The following ZXDB variants were observed in gnomAD, a reference collection of about 807,000 sequenced individuals.
ZXDB encodes the protein zinc finger X-linked duplicated B, also known as zinc finger X-linked protein ZXDB.
For synonymous variants in ZXDB, 273 were observed against 314.3 expected, an observed-to-expected ratio of 0.87 and a Z score of 1.39; for missense variants, 413 against 679.1, an observed-to-expected ratio of 0.61 and a Z score of 4.36.
In ZXDB at chrX:57,593,992, C is replaced by T; in HGVS notation, c.1944C>T (p.Leu648=). 3.6e-6 allele frequency: 4 copies of T among 1,118,758 alleles called. No homozygotes were observed. Among genetic ancestry groups the T allele is most frequent in the Middle Eastern group, 2.5e-4 (1 of 3,961 alleles). The allele number at this position is 1,118,758 out of a possible 1,213,427, so 92.2% of individuals were successfully genotyped here. The change falls in exon 1 of 1, where the codon CTC becomes CTT. Residue 648 remains leucine, a synonymous_variant. Coordinates refer to ENST00000374888, the MANE Select transcript of ZXDB (RefSeq NM_007157.4). ...TGAGCTCGACTCTGGCAGGGCACCT[C>T]CCTGCTAATAATAATAATTCCGTAG... ...ASVSSTLAGH[L]PANNNNSVGQ...
At position 57,593,378 on chromosome X, in the gene ZXDB, C is replaced by T; in HGVS notation, c.1330C>T (p.His444Tyr). 8.3e-7 allele frequency: 1 copy of T among 1,211,772 alleles called. No homozygotes were observed. The highest frequency in any genetic ancestry group is 1.1e-6 in the Non-Finnish European group (1 of 895,472). The change falls in exon 1 of 1, where the codon CAC (histidine) becomes TAC (tyrosine). Residue 444 changes from histidine (H) to tyrosine (Y), a missense_variant. His to Tyr is a moderately conservative substitution (Grantham distance 83, BLOSUM62 2). Coordinates refer to ENST00000374888, the MANE Select transcript of ZXDB (RefSeq NM_007157.4). Reference sequence around the variant, plus strand: ...TGACAAGGCTTGTAGGCTGAAAATTCACCTGCGGAGTCACACCGGCGAGAG... The same window carrying T: ...TGACAAGGCTTGTAGGCTGAAAATTTACCTGCGGAGTCACACCGGCGAGAG... ...QYDKACRLKIHLRSHTGERPF... is the reference protein window; with the variant it reads ...QYDKACRLKIYLRSHTGERPF...
rs750275833 is a variant in ZXDB, at chrX:57,592,536, C to T, written c.488C>T (p.Ala163Val). 4 of 1,186,003 alleles carry T rather than the reference C, an allele frequency of 3.4e-6. No individual in the cohort carries two copies. Among genetic ancestry groups the T allele is most frequent in the East Asian group, 6.2e-5 (2 of 32,208 alleles). Residue 163 changes from alanine to valine, a missense_variant, in exon 1 of 1, where the codon GCG becomes GTG. Ala to Val is a moderately conservative substitution (Grantham distance 64, BLOSUM62 0). Transcript: ENST00000374888. ...CCGATCTCCGCCCCCGGCCCCGCCG[C>T]GGCCTTCGCGGGCACAGTCACTATC... ...PAPISAPGPAAAFAGTVTIHN... is the reference protein window; with the variant it reads ...PAPISAPGPAVAFAGTVTIHN...
Position 57,594,392 on chromosome X carries a change from G to T in ZXDB, c.2344G>T (p.Ala782Ser). The change falls in exon 1 of 1, where the codon GCA becomes TCA. Residue 782 changes from alanine to serine, a missense_variant. Physicochemically the swap from Ala to Ser is moderately conservative, Grantham distance 99. Coordinates refer to ENST00000374888, the MANE Select transcript of ZXDB (RefSeq NM_007157.4). ...GETQFGFPNA[A>S]GNHGSQKETD... Reference sequence around the variant, plus strand: ...AACCCAGTTTGGATTCCCCAATGCAGCAGGAAACCATGGTTCTCAGAAAGA... The same window carrying T: ...AACCCAGTTTGGATTCCCCAATGCATCAGGAAACCATGGTTCTCAGAAAGA... 1 of 1,211,592 alleles carries T rather than the reference G, an allele frequency of 8.3e-7. No individual in the cohort carries two copies. Among genetic ancestry groups the T allele is most frequent in the Non-Finnish European group, 1.1e-6 (1 of 895,441 alleles).
In ZXDB at chrX:57,593,073, G is replaced by C; in HGVS notation, c.1025G>C (p.Gly342Ala). ...RPFGCPAEGC[G>A]KSFTTVYNLK... ...TTTGGCTGCCCGGCAGAGGGCTGTG[G>C]CAAGAGCTTCACCACAGTGTACAAC... The change falls in exon 1 of 1, where the codon GGC (glycine) becomes GCC (alanine). Residue 342 changes from glycine to alanine, a missense_variant. Transcript: ENST00000374888. The C allele has an allele frequency of 8.3e-7, 1 of 1,211,945 alleles. No individual in the cohort carries two copies. The highest frequency in any genetic ancestry group is 1.1e-6 in the Non-Finnish European group (1 of 895,552).
Position 57,592,482 on chromosome X carries a change from G to C in ZXDB, c.434G>C (p.Arg145Pro), listed in dbSNP as rs749468855. 9 of 1,180,845 alleles carry C rather than the reference G, an allele frequency of 7.6e-6. No individual in the cohort carries two copies. Among genetic ancestry groups the C allele is most frequent in the African/African-American group, 3.6e-5 (2 of 54,798 alleles). Residue 145 changes from arginine (R) to proline (P), a missense_variant, in exon 1 of 1, where the codon CGC becomes CCC. Arg to Pro is a moderately radical substitution (Grantham distance 103). Coordinates refer to ENST00000374888, the MANE Select transcript of ZXDB (RefSeq NM_007157.4). Reference sequence around the variant, plus strand: ...GCGGGGCCCACTGCGCTAGGCCCCCGCTGCCTGTCCGCGGTTCCCACTCCG... The same window carrying C: ...GCGGGGCCCACTGCGCTAGGCCCCCCCTGCCTGTCCGCGGTTCCCACTCCG... ...NPAGPTALGP[R>P]CLSAVPTPAP...
chrX:57,592,694 C>G lies in ZXDB; in HGVS notation c.646C>G (p.Pro216Ala). 2 of 1,183,795 alleles carry G rather than the reference C, an allele frequency of 1.7e-6. No individual in the cohort carries two copies. Among genetic ancestry groups the G allele is most frequent in the African/African-American group, 1.8e-5 (1 of 55,413 alleles). ...TCTGATCGCCCCGCAAGCTGGGTTC[C>G]CGCATGCCGCGCACCCGGGTGACTG... Reference protein sequence around the residue: ...GCLIAPQAGFPHAAHPGDCPE... With the variant: ...GCLIAPQAGFAHAAHPGDCPE... The change falls in exon 1 of 1, where the codon CCG becomes GCG. Residue 216 changes from proline to alanine, a missense_variant. Pro to Ala is a conservative substitution (Grantham distance 27). Coordinates refer to ENST00000374888, the MANE Select transcript of ZXDB (RefSeq NM_007157.4).
At position 57,597,370 on chromosome X, in the gene ZXDB, G is replaced by A. The variant is rs1280438523; in HGVS notation, c.*2910G>A. 8.1e-6 allele frequency: 1 copy of A among 123,119 alleles called. No homozygotes were observed. Among genetic ancestry groups the A allele is most frequent in the East Asian group, 2.8e-4 (1 of 3,603 alleles). 10.1% of individuals were successfully genotyped at this position (123,119 alleles called of 1,213,427 possible). ...TTCAAAAATGTTGTCATTCATTAAGGCCTCTTAAATAGACCACTATTTTTT... is the reference window on the plus strand; with the variant it reads ...TTCAAAAATGTTGTCATTCATTAAGACCTCTTAAATAGACCACTATTTTTT... On this transcript the variant is annotated 3_prime_UTR_variant, in exon 1 of 1. Transcript: ENST00000374888.
chrX:57,593,464 A>G lies in ZXDB; in HGVS notation c.1416A>G (p.Leu472=). The G allele has an allele frequency of 8.3e-7, 1 of 1,211,425 alleles. No individual in the cohort carries two copies. Among genetic ancestry groups the G allele is most frequent in the Non-Finnish European group, 1.1e-6 (1 of 895,419 alleles). Residue 472 remains leucine, a synonymous_variant, in exon 1 of 1, where the codon TTA becomes TTG. Transcript: ENST00000374888. The part of the protein sequence containing the change: ...GWNFTSMSKL[L]RHKRKHDDDR... ...ACTTCACTAGCATGTCCAAACTCTTAAGGCACAAAAGAAAGCACGACGATG... is the reference window on the plus strand; with the variant it reads ...ACTTCACTAGCATGTCCAAACTCTTGAGGCACAAAAGAAAGCACGACGATG...
Position 57,592,824 on chromosome X carries a change from G to T in ZXDB, c.776G>T (p.Arg259Leu), listed in dbSNP as rs1602949171. Reference protein sequence around the residue: ...AEGPAAALGPRGPLGSGPGVV... With the variant: ...AEGPAAALGPLGPLGSGPGVV... ...GGCCCGGCCGCCGCCCTGGGCCCCCGCGGACCGCTGGGCTCCGGCCCAGGC... is the reference window on the plus strand; with the variant it reads ...GGCCCGGCCGCCGCCCTGGGCCCCCTCGGACCGCTGGGCTCCGGCCCAGGC... The change falls in exon 1 of 1, where the codon CGC becomes CTC. Residue 259 changes from arginine (R) to leucine (L), a missense_variant. Physicochemically the swap from Arg to Leu is moderately radical, Grantham distance 102 (BLOSUM62 -2). Transcript: ENST00000374888. 8.7e-7 allele frequency: 1 copy of T among 1,152,129 alleles called. No individual in the cohort carries two copies. The highest frequency in any genetic ancestry group is 1.2e-6 in the Non-Finnish European group (1 of 868,676). 94.9% of individuals were successfully genotyped at this position (1,152,129 alleles called of 1,213,427 possible). A position where few individuals can be genotyped will look rare whatever the true frequency, so the allele number is the denominator to read the frequency against.
At position 57,592,458 on chromosome X, in the gene ZXDB, C is replaced by T. The variant is rs777645371; in HGVS notation, c.410C>T (p.Ala137Val). 1.3e-4 allele frequency: 157 copies of T among 1,166,383 alleles called. No individual in the cohort carries two copies. The highest frequency in any genetic ancestry group is 1.7e-4 in the Non-Finnish European group (147 of 876,299). The change falls in exon 1 of 1, where the codon GCG becomes GTG. Residue 137 changes from alanine (A) to valine (V), a missense_variant. Physicochemically the swap from Ala to Val is moderately conservative, Grantham distance 64. Coordinates refer to ENST00000374888, the MANE Select transcript of ZXDB (RefSeq NM_007157.4). ...GGGGGCGAGAGCGGCGCGAATCCCGCGGGGCCCACTGCGCTAGGCCCCCGC... is the reference window on the plus strand; with the variant it reads ...GGGGGCGAGAGCGGCGCGAATCCCGTGGGGCCCACTGCGCTAGGCCCCCGC... The part of the protein sequence containing the change: ...LQGGESGANP[A>V]GPTALGPRCL...
chrX:57,595,536 C>A lies in ZXDB; in HGVS notation c.*1076C>A, dbSNP rs964923380. 1 of 123,009 alleles carries A rather than the reference C, an allele frequency of 8.1e-6. No homozygotes were observed. Among genetic ancestry groups the A allele is most frequent in the Non-Finnish European group, 1.9e-5 (1 of 53,261 alleles). The allele number at this position is 123,009 out of a possible 1,213,427, so 10.1% of individuals were successfully genotyped here. ...ATAAATGCATTAATTCATGATGCTT[C>A]TGATATGATGAGTCATCTTTGTAGA... On this transcript the variant is annotated 3_prime_UTR_variant, in exon 1 of 1. Coordinates refer to ENST00000374888, the MANE Select transcript of ZXDB (RefSeq NM_007157.4).
rs910868799 is a variant in ZXDB at position 57,592,132 on chromosome X, C to T, written c.84C>T (p.Val28=). The T allele has an allele frequency of 1.5e-5, 16 of 1,040,067 alleles. No homozygotes were observed. The highest frequency in any genetic ancestry group is 1.7e-5 in the Non-Finnish European group (14 of 817,941). 85.7% of individuals were successfully genotyped at this position (1,040,067 alleles called of 1,213,427 possible). A position where few individuals can be genotyped will look rare whatever the true frequency, so the allele number is the denominator to read the frequency against. Residue 28 remains valine (V), a synonymous_variant, in exon 1 of 1, where the codon GTC becomes GTT. Coordinates refer to ENST00000374888, the MANE Select transcript of ZXDB (RefSeq NM_007157.4). ...GTATCCCCGCGGGTGGCGGCCGAGT[C>T]CACCGAGGCCCTGACTCGCCGGCTG... is the stretch of plus-strand genomic sequence containing the variant. ...GGGIPAGGGR[V]HRGPDSPAGQ...
At position 57,596,888 on chromosome X, in the gene ZXDB, G is replaced by A. The variant is rs1054542801; in HGVS notation, c.*2428G>A. ...CATTGAAGTTCTGTGCATACAGGAAGAAGTTATTTTCTGAGCTTAGATAAT... is the reference window on the plus strand; with the variant it reads ...CATTGAAGTTCTGTGCATACAGGAAAAAGTTATTTTCTGAGCTTAGATAAT... On this transcript the variant is annotated 3_prime_UTR_variant, in exon 1 of 1. Transcript: ENST00000374888. 2.4e-5 allele frequency: 3 copies of A among 123,655 alleles called. No individual in the cohort carries two copies. The highest frequency in any genetic ancestry group is 5.6e-5 in the Non-Finnish European group (3 of 53,332). 10.2% of individuals were successfully genotyped at this position (123,655 alleles called of 1,213,427 possible). A position where few individuals can be genotyped will look rare whatever the true frequency, so the allele number is the denominator to read the frequency against.
At position 57,596,668 on chromosome X, in the gene ZXDB, G is replaced by A. The variant is rs1184590092; in HGVS notation, c.*2208G>A. Reference sequence around the variant, plus strand: ...ATTCATTCCTGTGTCAAGGTTAGTCGCTGTTTTCCATTTGAATTGGTTTCT... The same window carrying A: ...ATTCATTCCTGTGTCAAGGTTAGTCACTGTTTTCCATTTGAATTGGTTTCT... On this transcript the variant is annotated 3_prime_UTR_variant, in exon 1 of 1. Transcript: ENST00000374888. The A allele has an allele frequency of 3.3e-5, 4 of 122,596 alleles. No homozygotes were observed. The highest frequency in any genetic ancestry group is 3.7e-4 in the South Asian group (1 of 2,669). The allele number at this position is 122,596 out of a possible 1,213,427, so 10.1% of individuals were successfully genotyped here. A position where few individuals can be genotyped will look rare whatever the true frequency, so the allele number is the denominator to read the frequency against.
Position 57,592,907 on chromosome X carries a change from C to T in ZXDB, c.859C>T (p.Gln287Ter). Residue 287 changes from glutamine (Q) to a stop codon, truncating the protein, a stop_gained, in exon 1 of 1, where the codon CAG becomes TAG. Coordinates refer to ENST00000374888, the MANE Select transcript of ZXDB (RefSeq NM_007157.4). LOFTEE classifies it low-confidence loss of function (END_TRUNC). ...QCGQTFAKKH[Q>*]LKVHLLTHSS... is the part of the protein sequence containing the mutation. ...CGGGCAAACCTTCGCCAAGAAGCAC[C>T]AGCTGAAGGTGCACCTGCTGACGCA... is the stretch of plus-strand genomic sequence containing the variant. The T allele has an allele frequency of 8.4e-7, 1 of 1,194,337 alleles. No individual in the cohort carries two copies. Among genetic ancestry groups the T allele is most frequent in the Non-Finnish European group, 1.1e-6 (1 of 887,171 alleles).
At position 57,592,456 on chromosome X, in the gene ZXDB, C is replaced by T; in HGVS notation, c.408C>T (p.Pro136=). 2 of 1,166,621 alleles carry T rather than the reference C, an allele frequency of 1.7e-6. No individual in the cohort carries two copies. The highest frequency in any genetic ancestry group is 2.3e-6 in the Non-Finnish European group (2 of 876,187). Residue 136 remains proline (P), a synonymous_variant, in exon 1 of 1, where the codon CCC becomes CCT. Transcript: ENST00000374888. ...AGGGGGGCGAGAGCGGCGCGAATCC[C>T]GCGGGGCCCACTGCGCTAGGCCCCC... is the stretch of plus-strand genomic sequence containing the variant. ...GLQGGESGAN[P]AGPTALGPRC...
Position 57,592,841 on chromosome X carries a change from G to C in ZXDB, c.793G>C (p.Gly265Arg). ...GGGCCCCCGCGGACCGCTGGGCTCC[G>C]GCCCAGGCGTGGTGCTGTACTTGTG... ...ALGPRGPLGS[G>R]PGVVLYLCPE... is the part of the protein sequence containing the mutation. The change falls in exon 1 of 1, where the codon GGC becomes CGC. Residue 265 changes from glycine to arginine, a missense_variant. Physicochemically the swap from Gly to Arg is moderately radical, Grantham distance 125. Transcript: ENST00000374888. 2.6e-6 allele frequency: 3 copies of C among 1,164,616 alleles called. No individual in the cohort carries two copies. Among genetic ancestry groups the C allele is most frequent in the Non-Finnish European group, 2.3e-6 (2 of 873,625 alleles).
chrX:57,593,781 T>G lies in ZXDB; in HGVS notation c.1733T>G (p.Leu578Arg). The change falls in exon 1 of 1, where the codon CTC becomes CGC. Residue 578 changes from leucine to arginine, a missense_variant. Coordinates refer to ENST00000374888, the MANE Select transcript of ZXDB (RefSeq NM_007157.4). The stretch of plus-strand genomic sequence containing the variant: ...AAAAGGCATAAGGTGGGCCAGGATC[T>G]CTTAGCTCAGCTAGAAGCAGCAAAT... The part of the protein sequence containing the change: ...MVKRHKVGQD[L>R]LAQLEAANSL... The G allele has an allele frequency of 8.3e-7, 1 of 1,211,403 alleles. No homozygotes were observed. Among genetic ancestry groups the G allele is most frequent in the African/African-American group, 1.7e-5 (1 of 57,665 alleles).
At position 57,592,221 on chromosome X, in the gene ZXDB, G is replaced by A. The variant is rs1056643927; in HGVS notation, c.173G>A (p.Arg58Gln). The change falls in exon 1 of 1, where the codon CGG (arginine) becomes CAG (glutamine). Residue 58 changes from arginine to glutamine, a missense_variant. Arg to Gln is a conservative substitution (Grantham distance 43). Coordinates refer to ENST00000374888, the MANE Select transcript of ZXDB (RefSeq NM_007157.4). ...RGPQDGGPGR[R>Q]REEASTASRG... The stretch of plus-strand genomic sequence containing the variant: ...CCCCAAGATGGCGGGCCCGGGCGGC[G>A]GCGCGAGGAGGCCAGCACGGCATCA... 2.8e-6 allele frequency: 3 copies of A among 1,085,179 alleles called. No individual in the cohort carries two copies. Among genetic ancestry groups the A allele is most frequent in the Non-Finnish European group, 3.6e-6 (3 of 841,954 alleles). 89.4% of individuals were successfully genotyped at this position (1,085,179 alleles called of 1,213,427 possible). A position where few individuals can be genotyped will look rare whatever the true frequency, so the allele number is the denominator to read the frequency against.
Sources: allele counts gnomAD v4.1 joint callset, GRCh38; gene constraint gnomAD v4.1.1; transcripts MANE v1.5; gene names NCBI Gene and HGNC (gene_info 2026-07-23, HGNC 2026-07-21).